Variants in AGTPBP1 observed in about 807,000 individuals in gnomAD.
The protein encoded by AGTPBP1 is ATP/GTP binding carboxypeptidase 1, also known as cytosolic carboxypeptidase 1.
AGTPBP1 carries 70 observed loss-of-function variants against 143.9 expected under a neutral mutation model. That is an observed-to-expected ratio of 0.49 (90% confidence interval 0.40 to 0.59). The LOEUF (loss-of-function observed/expected upper bound fraction) is 0.59. AGTPBP1 is among the 20% of genes least tolerant of loss of function. The pLI is 0.00. For missense variants in AGTPBP1, 1,229 were observed against 1,464.5 expected, an observed-to-expected ratio of 0.84 and a Z score of 2.62; for synonymous variants, 463 against 500.2, an observed-to-expected ratio of 0.93 and a Z score of 0.99.
the AGTPBP1 span, among the ~76,000 whole-genome samples, chr9:85,756,589 A>G: frequency 1.3e-5 from 2 of 152,184 alleles, no homozygotes; most frequent in Non-Finnish European, 2.9e-5. Flanking sequence ...AGATAGATCT[A>G]TCTCTGTATG....
chr9:85,659,008 T>A (rs1473189941), intron 9 of AGTPBP1, among the ~76,000 whole-genome samples: 1 of 152,188 alleles, frequency 6.6e-6, no homozygotes, highest in East Asian at 1.9e-4. Flanking sequence ...TAAAAGCCAT[T>A]ATGATCATTC....
intron 8 of AGTPBP1, among the ~76,000 whole-genome samples, chr9:85,663,370 G>A (rs191426030): frequency 2.6e-5 from 4 of 152,040 alleles, no homozygotes; most frequent in Admixed American, 2.6e-4. Context: ...GTGCTCGGAA[G>A]GATTCTGCCT....
At chr9:85,685,353 A>C (rs1835426781) in intron 3 of AGTPBP1, among the ~76,000 whole-genome samples, 1 of 152,000 alleles carries the variant, frequency 6.6e-6, no homozygotes, top group African/African-American at 2.4e-5. Flanking sequence ...ATAAATAAAT[A>C]AATCCTGAAA....
At chr9:85,797,962 C>T in the AGTPBP1 span, among the ~76,000 whole-genome samples, 2 of 152,062 alleles carry the variant, frequency 1.3e-5, no homozygotes, top group East Asian at 1.9e-4. Flanking sequence ...GCATAATCTC[C>T]GCTCACTGCA....
At chr9:85,720,808 T>C (rs982028668) in intron 1 of AGTPBP1, among the ~76,000 whole-genome samples, 1 of 152,228 alleles carries the variant, frequency 6.6e-6, no homozygotes, top group Non-Finnish European at 1.5e-5. Flanking sequence ...TTTAGTGTTG[T>C]AAATTTTTCT....
chr9:85,769,559 G>A, the AGTPBP1 span, among the ~76,000 whole-genome samples: 1 of 151,264 alleles, frequency 6.6e-6, no homozygotes, highest in East Asian at 1.9e-4. Context: ...GAACTTGTAG[G>A]TTTTCCTACA....
chr9:85,659,972 A>C lies in AGTPBP1; in HGVS notation c.700+964T>G, dbSNP rs571467961. ...TGTCATACATTTCATTCGAAAAATA[A>C]AATTGTTAAATGAGAATTCTATTAT... On this transcript the variant is annotated intron_variant, in intron 9 of 25. Transcript: ENST00000357081. Among the ~76,000 whole-genome samples the C allele has an allele frequency of 4.6e-5, 7 of 152,272 alleles. No homozygotes were observed. In the South Asian group the frequency reaches 1.4e-3, roughly 32 times the overall value.
intron 1 of AGTPBP1, among the ~76,000 whole-genome samples, chr9:85,719,086 T>G (rs1837926930): frequency 6.6e-6 from 1 of 152,192 alleles, no homozygotes; most frequent in Non-Finnish European, 1.5e-5. Context: ...GCAGTATAGT[T>G]TGAAGTCAGG....
intron 13 of AGTPBP1, among the ~76,000 whole-genome samples, chr9:85,636,220 A>G (rs1275374218): frequency 1.3e-5 from 2 of 152,000 alleles, no homozygotes; most frequent in East Asian, 1.9e-4. Context: ...TAAAATATAG[A>G]AAACAAGAAA....
chr9:85,625,907 T>TTTG (rs1554708773), intron 14 of AGTPBP1, among the ~76,000 whole-genome samples: 9 of 134,010 alleles, frequency 6.7e-5, no homozygotes, highest in African/African-American at 2.5e-4. Context: ...TAGTTTTGTT[T>TTTG]TTTTTTTTTT....
At chr9:85,633,500 A>G (rs554827254) in intron 13 of AGTPBP1, 126 bp from the exon 14 acceptor site, 38 of 672,632 alleles carry the variant, frequency 5.6e-5, no homozygotes, top group South Asian at 5.4e-4. Context: ...ATAAAACCGG[A>G]TATGTTTTCA....
intron 2 of AGTPBP1, among the ~76,000 whole-genome samples, chr9:85,706,499 G>C (rs1458559638): frequency 7.0e-6 from 1 of 143,130 alleles, no homozygotes; most frequent in African/African-American, 2.6e-5. Context: ...CACATGGTGG[G>C]ACTCTGTCTC....
At chr9:85,768,142 G>A in the AGTPBP1 span, among the ~76,000 whole-genome samples, 2 of 152,200 alleles carry the variant, frequency 1.3e-5, no homozygotes, top group Non-Finnish European at 2.9e-5. Context: ...CTGATATGCT[G>A]CAGCCTCACT....
intron 19 of AGTPBP1, among the ~76,000 whole-genome samples, chr9:85,592,102 A>T (rs1485509944): frequency 6.6e-6 from 1 of 152,080 alleles, no homozygotes; most frequent in Non-Finnish European, 1.5e-5. Context: ...AAAACACTCA[A>T]ATTGCATCCA....
At chr9:85,767,180 C>CTTTT in the AGTPBP1 span, among the ~76,000 whole-genome samples, 60 of 116,442 alleles carry the variant, frequency 5.2e-4, no homozygotes, top group African/African-American at 8.8e-4. Context: ...TGAGAACATA[C>CTTTT]TTTTTTTTTT....
In AGTPBP1 at chr9:85,726,056, CAAAAAAAAAAAAAA is replaced by C. The variant is rs948203314; in HGVS notation, c.-33-13504_-33-13491del. 4.4e-4 allele frequency among the ~76,000 whole-genome samples: 18 copies of C among 40,786 alleles called. No individual in the cohort carries two copies. The Admixed American group carries it at 4.4e-3, about 10-fold the overall frequency. 26.8% of individuals were successfully genotyped at this position (40,786 alleles called of 152,430 possible). A position where few individuals can be genotyped will look rare whatever the true frequency, so the allele number is the denominator to read the frequency against. On this transcript the variant is annotated intron_variant, in intron 1 of 25. Coordinates refer to ENST00000357081, the MANE Select transcript of AGTPBP1 (RefSeq NM_001330701.2). Reference sequence around the variant, plus strand: ...TGAGAGACACAGCAAGACTCCATCTCAAAAAAAAAAAAAAAAAAAAAAAAAATAGCCAGTGTGGT... The same window carrying C: ...TGAGAGACACAGCAAGACTCCATCTCAAAAAAAAAAAATAGCCAGTGTGGT...
chr9:85,625,906 T>TTG (rs1371039482), intron 14 of AGTPBP1, among the ~76,000 whole-genome samples: 6 of 132,002 alleles, frequency 4.5e-5, no homozygotes, highest in Non-Finnish European at 9.3e-5. Context: ...CTAGTTTTGT[T>TTG]TTTTTTTTTT....
the AGTPBP1 span, chr9:85,781,272 T>C: frequency 3.2e-4 from 493 of 1,558,582 alleles, no homozygotes; most frequent in East Asian, 0.01. Context: ...TGGAAAAAGA[T>C]CTTTATTTCT....
intron 1 of AGTPBP1, among the ~76,000 whole-genome samples, chr9:85,732,390 A>AT (rs1838947025): frequency 1.3e-5 from 2 of 151,658 alleles, no homozygotes; most frequent in South Asian, 4.2e-4. Context: ...AATTTTTTGT[A>AT]TTTTTAGTAG....
Sources: allele counts gnomAD v4.1 joint callset (sites outside exome capture counted in the v4.1 genomes callset), GRCh38; gene constraint gnomAD v4.1.1; transcripts MANE v1.5; gene names NCBI Gene and HGNC (gene_info 2026-07-23, HGNC 2026-07-21).